The following CMTM3 variants were observed in gnomAD, a reference collection of about 807,000 sequenced individuals.
CMTM3 encodes the protein CKLF-like MARVEL transmembrane domain-containing protein 3.
In CMTM3, 7 loss-of-function variants were observed where a neutral mutation model predicts 18.2. The ratio of observed to expected loss-of-function variants is 0.38; its 90% CI spans 0.22 to 0.72. CMTM3 has a LOEUF of 0.72. CMTM3 is among the 30% of genes least tolerant of loss of function. The pLI is 0.46. For synonymous variants in CMTM3, 109 were observed against 111.2 expected (o/e 0.98, Z 0.12); for missense variants, 227 against 249.2 (o/e 0.91, Z 0.60).
chr16:66,610,905 A>G lies in CMTM3; in HGVS notation c.520+902A>G. 2.5e-6 allele frequency: 1 copy of G among 398,598 alleles called. No homozygotes were observed. The highest frequency in any genetic ancestry group is 2.1e-5 in the African/African-American group (1 of 48,738). The allele number at this position is 398,598 out of a possible 1,614,324, so 24.7% of individuals were successfully genotyped here. On this transcript the variant is annotated intron_variant, in intron 4 of 4. Coordinates refer to ENST00000567572, the MANE Select transcript of CMTM3 (RefSeq NM_181553.4). The surrounding 1 kb of genome is among the most constrained non-coding windows in gnomAD (Gnocchi z 4.6). ...TCCCAGAAACCGTCCTTCTGCTGAAAATGAATGCCACTCATCCCATCCCGT... is the reference window on the plus strand; with the variant it reads ...TCCCAGAAACCGTCCTTCTGCTGAAGATGAATGCCACTCATCCCATCCCGT...
rs2015439656 is a variant in CMTM3, at chr16:66,612,992, C to T, written c.*355C>T. On this transcript the variant is annotated 3_prime_UTR_variant, in exon 5 of 5. Coordinates refer to ENST00000567572, the MANE Select transcript of CMTM3 (RefSeq NM_181553.4). The surrounding 1 kb of genome is among the most constrained non-coding windows in gnomAD (Gnocchi z 6.0). ...GCAGGTGTTCCATGCTGCTAGGTGGCGGGGGTCGGGGGTCTTCTGTTTCAC... is the reference window on the plus strand; with the variant it reads ...GCAGGTGTTCCATGCTGCTAGGTGGTGGGGGTCGGGGGTCTTCTGTTTCAC... 5 of 697,250 alleles carry T rather than the reference C, an allele frequency of 7.2e-6. No individual in the cohort carries two copies. Among genetic ancestry groups the T allele is most frequent in the Admixed American group, 4.0e-5 (2 of 49,582 alleles). The allele number at this position is 697,250 out of a possible 1,614,324, so 43.2% of individuals were successfully genotyped here.
Position 66,605,101 on chromosome 16 carries a change from T to G in CMTM3, c.147+149T>G. On this transcript the variant is annotated intron_variant, in intron 1 of 4. Coordinates refer to ENST00000567572, the MANE Select transcript of CMTM3 (RefSeq NM_181553.4). This position sits in a 1 kb window ranked among gnomAD's most constrained non-coding sequence, Gnocchi z 4.6. ...CCTCGGCCGACTTCTCTCGGGCGCC[T>G]GGCGAAGTTGGGTCGAGGTCCCCAA... is the stretch of plus-strand genomic sequence containing the variant. 1.3e-6 allele frequency: 1 copy of G among 768,096 alleles called. No individual in the cohort carries two copies. The highest frequency in any genetic ancestry group is 1.8e-6 in the Non-Finnish European group (1 of 548,152). 47.6% of individuals were successfully genotyped at this position (768,096 alleles called of 1,614,324 possible).
chr16:66,609,583 A>G lies in CMTM3; in HGVS notation c.399+53A>G, dbSNP rs888541640. ...ACTGCAGATGCCCCTCTAGCCCCTCATTTAGGGTGGGACCTGGGGCAGAGC... is the reference window on the plus strand; with the variant it reads ...ACTGCAGATGCCCCTCTAGCCCCTCGTTTAGGGTGGGACCTGGGGCAGAGC... On this transcript the variant is annotated intron_variant, in intron 3 of 4. Transcript: ENST00000567572. This position sits in a 1 kb window ranked among gnomAD's most constrained non-coding sequence, Gnocchi z 4.4. 2 of 1,538,646 alleles carry G rather than the reference A, an allele frequency of 1.3e-6. No homozygotes were observed. Among genetic ancestry groups the G allele is most frequent in the Non-Finnish European group, 1.8e-6 (2 of 1,134,492 alleles).
chr16:66,607,818 A>G (rs2015214994), intron 1 of CMTM3, among the ~76,000 whole-genome samples: 1 of 147,242 alleles, frequency 6.8e-6, no homozygotes, highest in South Asian at 2.1e-4. Flanking sequence ...CATAGGTGTG[A>G]GCCTGGGCCA....
In CMTM3 at chr16:66,610,068, C is replaced by A; in HGVS notation, c.520+65C>A. On this transcript the variant is annotated intron_variant, in intron 4 of 4. Coordinates refer to ENST00000567572, the MANE Select transcript of CMTM3 (RefSeq NM_181553.4). The surrounding 1 kb of genome is among the most constrained non-coding windows in gnomAD (Gnocchi z 4.6). ...GGGGCCTGCCCTCCCTCGGGGATGC[C>A]AGCTAGTTTGAGGCTGGGGTGGGAT... 4 of 1,593,638 alleles carry A rather than the reference C, an allele frequency of 2.5e-6. No homozygotes were observed. Among genetic ancestry groups the A allele is most frequent in the Non-Finnish European group, 3.4e-6 (4 of 1,168,092 alleles).
Position 66,609,053 on chromosome 16 carries a change from A to G in CMTM3, c.304-382A>G, listed in dbSNP as rs1461214353. Among the ~76,000 whole-genome samples the G allele has an allele frequency of 6.6e-6, 1 of 152,194 alleles. No individual in the cohort carries two copies. The highest frequency in any genetic ancestry group is 2.4e-5 in the African/African-American group (1 of 41,456). ...AGCAGAAACTGTGGTCCATGAATGGATCGGCCACAAGAGTGTGACAAAGCC... is the reference window on the plus strand; with the variant it reads ...AGCAGAAACTGTGGTCCATGAATGGGTCGGCCACAAGAGTGTGACAAAGCC... On this transcript the variant is annotated intron_variant, in intron 2 of 4. Coordinates refer to ENST00000567572, the MANE Select transcript of CMTM3 (RefSeq NM_181553.4). This position sits in a 1 kb window ranked among gnomAD's most constrained non-coding sequence, Gnocchi z 4.4.
At position 66,612,660 on chromosome 16, in the gene CMTM3, A is replaced by T. The variant is rs920683024; in HGVS notation, c.*23A>T. On this transcript the variant is annotated 3_prime_UTR_variant, in exon 5 of 5. Transcript: ENST00000567572. This position sits in a 1 kb window ranked among gnomAD's most constrained non-coding sequence, Gnocchi z 6.0. ...TGAAGGCCTGGCGGGTGCCTTGGCA[A>T]CCTGAGCCACACAGGCCTCCACCCC... 6.2e-7 allele frequency: 1 copy of T among 1,612,984 alleles called. No individual in the cohort carries two copies. The highest frequency in any genetic ancestry group is 1.3e-5 in the African/African-American group (1 of 74,910).
Position 66,609,799 on chromosome 16 carries a change from C to G in CMTM3, c.400-84C>G, listed in dbSNP as rs760966016. ...ACTCGGGCTGTTTGTCCAAGCAGAT[C>G]TGAAATGGGCCGTGAGGCTGGGGCA... On this transcript the variant is annotated intron_variant, in intron 3 of 4. Transcript: ENST00000567572. This position sits in a 1 kb window ranked among gnomAD's most constrained non-coding sequence, Gnocchi z 4.4. 16 of 1,613,522 alleles carry G rather than the reference C, an allele frequency of 9.9e-6. No individual in the cohort carries two copies. Among genetic ancestry groups the G allele is most frequent in the Non-Finnish European group, 1.3e-5 (15 of 1,179,754 alleles).
chr16:66,604,462 C>A (rs2144724308), upstream of CMTM3: 1 of 199,550 alleles, frequency 5.0e-6, no homozygotes, highest in Non-Finnish European at 1.0e-5. Context: ...ATAGACAGCC[C>A]TTCTGGATAG....
At position 66,608,595 on chromosome 16, in the gene CMTM3, G is replaced by A; in HGVS notation, c.303+131G>A. ...GTTTGCAGTTGGTTAGAACTGGATGGAGAGACCCAGCTTCAGATCATCCCA... is the reference window on the plus strand; with the variant it reads ...GTTTGCAGTTGGTTAGAACTGGATGAAGAGACCCAGCTTCAGATCATCCCA... On this transcript the variant is annotated intron_variant, in intron 2 of 4. Coordinates refer to ENST00000567572, the MANE Select transcript of CMTM3 (RefSeq NM_181553.4). The surrounding 1 kb of genome is among the most constrained non-coding windows in gnomAD (Gnocchi z 5.1). The A allele has an allele frequency of 1.2e-6, 1 of 838,668 alleles. No homozygotes were observed. The highest frequency in any genetic ancestry group is 1.8e-6 in the Non-Finnish European group (1 of 545,452). The allele number at this position is 838,668 out of a possible 1,614,324, so 52.0% of individuals were successfully genotyped here. A position where few individuals can be genotyped will look rare whatever the true frequency, so the allele number is the denominator to read the frequency against.
In CMTM3 at chr16:66,605,200, C is replaced by A; in HGVS notation, c.147+248C>A. ...TCCCCGCGAGTCCAGAGCTGGGGGC[C>A]GTGGGAAGTGGGTGGGGCCCGGGGA... is the stretch of plus-strand genomic sequence containing the variant. On this transcript the variant is annotated intron_variant, in intron 1 of 4. Transcript: ENST00000567572. This position sits in a 1 kb window ranked among gnomAD's most constrained non-coding sequence, Gnocchi z 4.6. The A allele has an allele frequency of 2.7e-6, 1 of 368,158 alleles. No homozygotes were observed. The highest frequency in any genetic ancestry group is 4.9e-6 in the Non-Finnish European group (1 of 204,904). The allele number at this position is 368,158 out of a possible 1,614,324, so 22.8% of individuals were successfully genotyped here.
At chr16:66,607,835 G>T (rs912444657) in intron 1 of CMTM3, among the ~76,000 whole-genome samples, 3 of 145,104 alleles carry the variant, frequency 2.1e-5, no homozygotes, top group South Asian at 2.2e-4. Context: ...GCCATGCTGG[G>T]TTTTTTTTTT....
chr16:66,611,373 T>A (rs759902019), intron 4 of CMTM3, among the ~76,000 whole-genome samples: 3 of 151,766 alleles, frequency 2.0e-5, no homozygotes, highest in Admixed American at 6.6e-5. Flanking sequence ...GAATCACCTA[T>A]GGGAGGCAGA....
At position 66,608,559 on chromosome 16, in the gene CMTM3, A is replaced by AGAGAAAG; in HGVS notation, c.303+96_303+97insAGAAAGG. 1 of 1,267,362 alleles carries AGAGAAAG rather than the reference A, an allele frequency of 7.9e-7. No homozygotes were observed. Among genetic ancestry groups the AGAGAAAG allele is most frequent in the Non-Finnish European group, 1.1e-6 (1 of 909,310 alleles). 78.5% of individuals were successfully genotyped at this position (1,267,362 alleles called of 1,614,324 possible). A position where few individuals can be genotyped will look rare whatever the true frequency, so the allele number is the denominator to read the frequency against. On this transcript the variant is annotated intron_variant, in intron 2 of 4. Coordinates refer to ENST00000567572, the MANE Select transcript of CMTM3 (RefSeq NM_181553.4). The surrounding 1 kb of genome is among the most constrained non-coding windows in gnomAD (Gnocchi z 5.1). Reference sequence around the variant, plus strand: ...GCACTTGGGCCCTTATCCTTTCTCTAGTGTGCTGGAGTTTGCAGTTGGTTA... The same window carrying AGAGAAAG: ...GCACTTGGGCCCTTATCCTTTCTCTAGAGAAAGGTGTGCTGGAGTTTGCAGTTGGTTA...
intron 1 of CMTM3, among the ~76,000 whole-genome samples, chr16:66,606,393 C>T (rs749333179): frequency 2.0e-5 from 3 of 152,096 alleles, no homozygotes; most frequent in Admixed American, 6.5e-5. Context: ...CATGGAAGGC[C>T]TTCCTGGGAG....
Position 66,610,146 on chromosome 16 carries a change from C to T in CMTM3, c.520+143C>T. 1 of 1,029,546 alleles carries T rather than the reference C, an allele frequency of 9.7e-7. No individual in the cohort carries two copies. 63.8% of individuals were successfully genotyped at this position (1,029,546 alleles called of 1,614,324 possible). On this transcript the variant is annotated intron_variant, in intron 4 of 4. Transcript: ENST00000567572. This position sits in a 1 kb window ranked among gnomAD's most constrained non-coding sequence, Gnocchi z 4.6. ...TGTTTTCACAGCCCATTCTCACCTA[C>T]CCTCATGCAGCACTGATCCAAAGCC...
In CMTM3 at chr16:66,609,547, C is replaced by T; in HGVS notation, c.399+17C>T. ...GCCGCTGGGGTGAGCAGCCGCCCCA[C>T]CCCTCTGGAAACTGCAGATGCCCCT... On this transcript the variant is annotated intron_variant, in intron 3 of 4. Coordinates refer to ENST00000567572, the MANE Select transcript of CMTM3 (RefSeq NM_181553.4). This position sits in a 1 kb window ranked among gnomAD's most constrained non-coding sequence, Gnocchi z 4.4. 6.3e-7 allele frequency: 1 copy of T among 1,576,982 alleles called. No individual in the cohort carries two copies. Among genetic ancestry groups the T allele is most frequent in the Non-Finnish European group, 8.6e-7 (1 of 1,158,694 alleles).
Position 66,605,198 on chromosome 16 carries a change from G to A in CMTM3, c.147+246G>A. 3 of 381,132 alleles carry A rather than the reference G, an allele frequency of 7.9e-6. No individual in the cohort carries two copies. The highest frequency in any genetic ancestry group is 7.0e-4 in the Middle Eastern group (1 of 1,430). 23.6% of individuals were successfully genotyped at this position (381,132 alleles called of 1,614,324 possible). A position where few individuals can be genotyped will look rare whatever the true frequency, so the allele number is the denominator to read the frequency against. ...TGTCCCCGCGAGTCCAGAGCTGGGGGCCGTGGGAAGTGGGTGGGGCCCGGG... is the reference window on the plus strand; with the variant it reads ...TGTCCCCGCGAGTCCAGAGCTGGGGACCGTGGGAAGTGGGTGGGGCCCGGG... On this transcript the variant is annotated intron_variant, in intron 1 of 4. Transcript: ENST00000567572. The surrounding 1 kb of genome is among the most constrained non-coding windows in gnomAD (Gnocchi z 4.6).
chr16:66,613,146 A>C lies in CMTM3; in HGVS notation c.*509A>C, dbSNP rs1188099820. On this transcript the variant is annotated 3_prime_UTR_variant, in exon 5 of 5. Coordinates refer to ENST00000567572, the MANE Select transcript of CMTM3 (RefSeq NM_181553.4). ...TGACCCTTCCAAGAATCTTTGGTTCAAGGAGCACCAGTTCCCTCTTCATTC... is the reference window on the plus strand; with the variant it reads ...TGACCCTTCCAAGAATCTTTGGTTCCAGGAGCACCAGTTCCCTCTTCATTC... 27 of 702,842 alleles carry C rather than the reference A, an allele frequency of 3.8e-5. No individual in the cohort carries two copies. The highest frequency in any genetic ancestry group is 4.2e-5 in the Non-Finnish European group (16 of 385,000). The allele number at this position is 702,842 out of a possible 1,614,324, so 43.5% of individuals were successfully genotyped here. A position where few individuals can be genotyped will look rare whatever the true frequency, so the allele number is the denominator to read the frequency against.
Sources: gnomAD v4.1 joint callset for allele counts (sites outside exome capture counted in the v4.1 genomes callset) on GRCh38, gnomAD v4.1.1 for gene constraint, Gnocchi (gnomAD v3.1) non-coding constraint, MANE v1.5 for transcripts, NCBI Gene and HGNC (gene_info 2026-07-23, HGNC 2026-07-21) for gene names.